Variants in SNX29 observed in about 807,000 individuals in gnomAD.
SNX29 encodes sorting nexin-29.
In SNX29, 78 loss-of-function variants were observed where a neutral mutation model predicts 102.1. The observed-to-expected ratio is 0.76, with a 90% confidence interval of 0.64 to 0.92. The LOEUF is 0.92. Among genes scored for constraint, SNX29 ranks in the 40% least tolerant of loss-of-function variants. SNX29 has a pLI of 0.00. For synonymous variants in SNX29, 580 were observed against 414.5 expected (o/e 1.40, Z -4.85); for missense variants, 1,280 against 1,061.7 (o/e 1.21, Z -2.86).
At chr16:12,169,862 G>A (rs1266102160) in intron 13 of SNX29, among the ~76,000 whole-genome samples, 2 of 151,836 alleles carry the variant, frequency 1.3e-5, no homozygotes, top group African/African-American at 2.4e-5. Flanking sequence ...TTCAACAGCC[G>A]CCTCCTGGGT....
At chr16:12,443,653 G>T (rs1458492104) in intron 18 of SNX29, among the ~76,000 whole-genome samples, 1 of 152,184 alleles carries the variant, frequency 6.6e-6, no homozygotes, top group Non-Finnish European at 1.5e-5. Flanking sequence ...TTTTCACTAT[G>T]TTGACCAGGC....
chr16:12,002,446 CA>C (rs547796469), intron 2 of SNX29, among the ~76,000 whole-genome samples: 3,792 of 88,336 alleles, frequency 0.043, 75 homozygotes, highest in African/African-American at 0.096. Context: ...AACTCCATCT[CA>C]AAAAAAAAAA....
At chr16:12,567,512 C>T (rs945250980) in intron 20 of SNX29, among the ~76,000 whole-genome samples, 3 of 152,164 alleles carry the variant, frequency 2.0e-5, no homozygotes, top group East Asian at 3.9e-4. Context: ...TGGCCAGGCA[C>T]AGTGGCTCAC....
At chr16:12,347,793 CAG>C (rs2081859890) in intron 15 of SNX29, among the ~76,000 whole-genome samples, 2 of 151,638 alleles carry the variant, frequency 1.3e-5, no homozygotes, top group South Asian at 4.2e-4. Flanking sequence ...TACCAGGAAT[CAG>C]AGCTGGGTGT....
At chr16:12,037,541 G>A (rs911885752) in intron 4 of SNX29, among the ~76,000 whole-genome samples, 2 of 152,174 alleles carry the variant, frequency 1.3e-5, no homozygotes, top group Non-Finnish European at 2.9e-5. Flanking sequence ...GTTCCGGCCA[G>A]TTAATTGCCT....
intron 19 of SNX29, among the ~76,000 whole-genome samples, chr16:12,509,706 C>A (rs1012556719): frequency 4.6e-5 from 7 of 152,154 alleles, no homozygotes; most frequent in African/African-American, 1.7e-4. Context: ...ATGGCTTCAG[C>A]CCAGGAGTTT....
rs150216513 is a variant in SNX29, at chr16:12,573,897, C to G, written c.*5268C>G. On this transcript the variant is annotated 3_prime_UTR_variant, in exon 21 of 21. Coordinates refer to ENST00000566228, the MANE Select transcript of SNX29 (RefSeq NM_032167.5). Reference sequence around the variant, plus strand: ...TCCCTGGCTTAGCCGTCAGGTAGAACGCTTACTCACCTGACACCGACTTCT... The same window carrying G: ...TCCCTGGCTTAGCCGTCAGGTAGAAGGCTTACTCACCTGACACCGACTTCT... 9.7e-6 allele frequency: 2 copies of G among 205,400 alleles called. No homozygotes were observed. Among genetic ancestry groups the G allele is most frequent in the South Asian group, 3.8e-4 (2 of 5,282 alleles). The allele number at this position is 205,400 out of a possible 1,614,324, so 12.7% of individuals were successfully genotyped here.
intron 15 of SNX29, among the ~76,000 whole-genome samples, chr16:12,326,369 G>A (rs1596922751): frequency 6.7e-6 from 1 of 148,740 alleles, no homozygotes; most frequent in East Asian, 2.0e-4. Context: ...GGGGCAGTCA[G>A]GTTGGGAGGG....
intron 19 of SNX29, among the ~76,000 whole-genome samples, chr16:12,514,328 C>G (rs1014805497): frequency 1.3e-5 from 2 of 152,144 alleles, no homozygotes; most frequent in African/African-American, 4.8e-5. Flanking sequence ...CCCCCTACCT[C>G]AGGCGCCTCT....
chr16:12,565,731 T>C (rs2078974735), intron 20 of SNX29, among the ~76,000 whole-genome samples: 1 of 152,128 alleles, frequency 6.6e-6, no homozygotes, highest in Non-Finnish European at 1.5e-5. Context: ...CGGCTACAAG[T>C]CCACCCCCTC....
intron 8 of SNX29, chr16:12,060,847 T>C (rs1046635722): frequency 2.6e-5 from 12 of 456,134 alleles, no homozygotes; most frequent in African/African-American, 2.2e-4. Context: ...GTGGGTAAGG[T>C]GACAGTATAA....
intron 1 of SNX29, among the ~76,000 whole-genome samples, chr16:11,984,920 G>C (rs1297867053): frequency 2.0e-5 from 3 of 152,112 alleles, no homozygotes; most frequent in Non-Finnish European, 4.4e-5. Context: ...CTCCCAAAGT[G>C]CCAGGATTAC....
chr16:12,189,420 C>A (rs1281708226), intron 13 of SNX29, among the ~76,000 whole-genome samples: 1 of 152,176 alleles, frequency 6.6e-6, no homozygotes, highest in East Asian at 1.9e-4. Context: ...GTTTATTGTG[C>A]AGAATGTCCG....
chr16:12,422,961 C>T (rs1273043839), intron 18 of SNX29, among the ~76,000 whole-genome samples: 1 of 152,180 alleles, frequency 6.6e-6, no homozygotes, highest in Non-Finnish European at 1.5e-5. Flanking sequence ...ACATCCGAAG[C>T]TTAAAGGAAC....
chr16:12,131,098 C>T (rs545885640), intron 13 of SNX29, among the ~76,000 whole-genome samples: 13 of 152,338 alleles, frequency 8.5e-5, no homozygotes, highest in Non-Finnish European at 1.0e-4. Context: ...CGGGTGTGAG[C>T]CGCATGTTCT....
chr16:12,023,953 G>A (rs757724876), intron 3 of SNX29, among the ~76,000 whole-genome samples: 3 of 152,116 alleles, frequency 2.0e-5, no homozygotes, highest in Non-Finnish European at 2.9e-5. Flanking sequence ...AGACCATGTC[G>A]GTCACATTCT....
Position 12,573,577 on chromosome 16 carries a change from G to A in SNX29, c.*4948G>A. ...CCTAACCGGAAAACCACTCACCCAG[G>A]CTTCCCCCACTTCCCCTCAAATTTT... On this transcript the variant is annotated 3_prime_UTR_variant, in exon 21 of 21. Transcript: ENST00000566228. The A allele has an allele frequency of 1.3e-5, 3 of 223,104 alleles. No individual in the cohort carries two copies. The highest frequency in any genetic ancestry group is 6.5e-5 in the East Asian group (1 of 15,296). 13.8% of individuals were successfully genotyped at this position (223,104 alleles called of 1,614,324 possible). A position where few individuals can be genotyped will look rare whatever the true frequency, so the allele number is the denominator to read the frequency against.
At chr16:12,159,451 G>A (rs562351627) in intron 13 of SNX29, among the ~76,000 whole-genome samples, 3 of 152,296 alleles carry the variant, frequency 2.0e-5, no homozygotes, top group South Asian at 2.1e-4. Context: ...TGGACCAGGC[G>A]TTTCTCCCTA....
rs559623451 is a variant in SNX29 at position 12,467,007 on chromosome 16, C to G, written c.2038-10712C>G. On this transcript the variant is annotated intron_variant, in intron 18 of 20. Transcript: ENST00000566228. ...TCAGTGAGTTAGGGGAACAAGAGTG[C>G]CCACCTTTTCCCCTGGCTTTCCTAG... 3.3e-5 allele frequency among the ~76,000 whole-genome samples: 5 copies of G among 152,280 alleles called. No homozygotes were observed. In the South Asian group the frequency reaches 1.0e-3, roughly 32 times the overall value.
Sources: allele counts gnomAD v4.1 joint callset (sites outside exome capture counted in the v4.1 genomes callset), GRCh38; gene constraint gnomAD v4.1.1; transcripts MANE v1.5; gene names NCBI Gene and HGNC (gene_info 2026-07-23, HGNC 2026-07-21).